The following CTSC variants were observed in gnomAD, a reference collection of about 807,000 sequenced individuals.
The protein encoded by CTSC is dipeptidyl peptidase 1.
Under a neutral mutation model 40.9 loss-of-function variants are expected in CTSC, and 37 were observed. That is an observed-to-expected ratio of 0.91 (90% CI 0.70 to 1.19). The LOEUF is 1.19. Among genes scored for constraint, CTSC ranks in the 50% most tolerant of loss-of-function variants. The probability of loss-of-function intolerance (pLI) is 0.00; values close to 1 mark genes in which losing one functional copy is unlikely to be tolerated. For missense variants in CTSC, 594 were observed against 567.3 expected (o/e 1.05, Z -0.48); for synonymous variants, 232 against 207.4 (o/e 1.12, Z -1.02).
intron 2 of CTSC, among the ~76,000 whole-genome samples, chr11:88,317,591 A>AC (rs1338129407): frequency 6.6e-6 from 1 of 152,060 alleles, no homozygotes; most frequent in Admixed American, 6.6e-5. Flanking sequence ...CATCCACTGT[A>AC]CCCCTGTGAT....
chr11:88,335,156 CAATTTT>C (rs1938460879), intron 1 of CTSC, 74 bp from the exon 2 acceptor site: 1 of 1,030,174 alleles, frequency 9.7e-7, no homozygotes, highest in Non-Finnish European at 1.5e-6. Flanking sequence ...CCCCCAATTT[CAATTTT>C]AATTGTGCTG....
Position 88,293,711 on chromosome 11 carries a change from T to C in CTSC, c.*295A>G, listed in dbSNP as rs1249366505. ...TTAAAAATAAGTCTATGTTTTCACATTGATTTTAAAAAATATAGCATGTTT... is the reference window on the plus strand; with the variant it reads ...TTAAAAATAAGTCTATGTTTTCACACTGATTTTAAAAAATATAGCATGTTT... On this transcript the variant is annotated 3_prime_UTR_variant, in exon 7 of 7. Transcript: ENST00000227266. The C allele has an allele frequency of 2.9e-5, 11 of 382,114 alleles. No homozygotes were observed. In the East Asian group the frequency reaches 5.7e-4, roughly 20 times the overall value. The allele number at this position is 382,114 out of a possible 1,614,324, so 23.7% of individuals were successfully genotyped here. A position where few individuals can be genotyped will look rare whatever the true frequency, so the allele number is the denominator to read the frequency against.
intron 4 of CTSC, among the ~76,000 whole-genome samples, chr11:88,303,826 G>A (rs1937606687): frequency 6.6e-6 from 1 of 152,116 alleles, no homozygotes; most frequent in South Asian, 2.1e-4. Flanking sequence ...GACATCTTTG[G>A]AAATGAAGGT....
In CTSC at chr11:88,334,960, A is replaced by G. The variant is rs997358516; in HGVS notation, c.295T>C (p.Tyr99His). The G allele has an allele frequency of 1.9e-6, 3 of 1,612,766 alleles. No homozygotes were observed. Among genetic ancestry groups the G allele is most frequent in the Non-Finnish European group, 2.5e-6 (3 of 1,178,956 alleles). The change falls in exon 2 of 7, where the codon TAC becomes CAC. Residue 99 changes from tyrosine (Y) to histidine (H), a missense_variant. By Grantham distance (83) the Tyr-to-His change is moderately conservative. Transcript: ENST00000227266. ...NQGFEIVLND[Y>H]KWFAFFKYKE... The stretch of plus-strand genomic sequence containing the variant: ...ACCTTAAAAAAGGCAAACCACTTGT[A>G]GTCATTCAACACAATCTCAAAGCCT...
At position 88,296,268 on chromosome 11, in the gene CTSC, G is replaced by T; in HGVS notation, c.758-4C>A. 1 of 1,613,498 alleles carries T rather than the reference G, an allele frequency of 6.2e-7. No individual in the cohort carries two copies. Among genetic ancestry groups the T allele is most frequent in the Non-Finnish European group, 8.5e-7 (1 of 1,179,706 alleles). ...GAGTAGCAGCTGCCACAGGATGCTG[G>T]CGATGAAAAAAAGACACATAATCCA... On this transcript the variant is annotated splice_region_variant and splice_polypyrimidine_tract_variant and intron_variant, in intron 5 of 6. Transcript: ENST00000227266.
At chr11:88,315,138 A>C (rs958743659) in intron 2 of CTSC, among the ~76,000 whole-genome samples, 2 of 152,142 alleles carry the variant, frequency 1.3e-5, no homozygotes, top group African/African-American at 4.8e-5. Flanking sequence ...TCTCTCTGGC[A>C]CTGGCTCTTG....
chr11:88,312,285 A>G (rs1937779420), intron 3 of CTSC, 103 bp downstream of exon 3: 1 of 1,136,916 alleles, frequency 8.8e-7, no homozygotes, highest in Non-Finnish European at 1.3e-6. Flanking sequence ...TTTCTAAGCC[A>G]AAGATATTTT....
At chr11:88,320,980 A>C (rs2134798518) in intron 2 of CTSC, 1 of 985,304 alleles carries the variant, frequency 1.0e-6, no homozygotes, top group Non-Finnish European at 1.2e-6. Flanking sequence ...GACACAGAAT[A>C]CTAAGCCTTA....
intron 2 of CTSC, chr11:88,327,892 G>C: frequency 3.6e-6 from 2 of 558,316 alleles, no homozygotes; most frequent in Non-Finnish European, 3.2e-6. Flanking sequence ...GATTTGACAT[G>C]TGAAAACAGA....
Position 88,329,343 on chromosome 11 carries a change from G to A in CTSC, c.318+5594C>T, listed in dbSNP as rs185232312. Among the ~76,000 whole-genome samples the A allele has an allele frequency of 6.8e-3, 1,031 of 151,402 alleles. 4 individuals are homozygous for A. Among genetic ancestry groups the A allele is most frequent in the Non-Finnish European group, 0.012 (789 of 67,844 alleles). On this transcript the variant is annotated intron_variant, in intron 2 of 6. Coordinates refer to ENST00000227266, the MANE Select transcript of CTSC (RefSeq NM_001814.6). Reference sequence around the variant, plus strand: ...CTAAAAATACAAAAATTAGCTGGGCGTGATGGCGGGCACCTGTAATCCAAT... The same window carrying A: ...CTAAAAATACAAAAATTAGCTGGGCATGATGGCGGGCACCTGTAATCCAAT...
intron 2 of CTSC, chr11:88,324,589 A>G: frequency 2.0e-6 from 2 of 984,680 alleles, no homozygotes; most frequent in Non-Finnish European, 2.4e-6. Context: ...GGTACCTACA[A>G]AGTTCTATGT....
intron 3 of CTSC, among the ~76,000 whole-genome samples, chr11:88,311,443 T>A (rs1346077957): frequency 6.6e-6 from 1 of 152,226 alleles, no homozygotes; most frequent in African/African-American, 2.4e-5. Context: ...TTTGTACATG[T>A]ACATTTTTAG....
chr11:88,335,704 T>C (rs1591247768), intron 1 of CTSC, among the ~76,000 whole-genome samples: 1 of 152,170 alleles, frequency 6.6e-6, no homozygotes, highest in East Asian at 1.9e-4. Flanking sequence ...TGGGGAATGT[T>C]GAAAATTACA....
At position 88,294,369 on chromosome 11, in the gene CTSC, A is replaced by AGAG; in HGVS notation, c.1026_1028dup (p.Ser343dup). The AGAG allele has an allele frequency of 6.2e-7, 1 of 1,614,156 alleles. No homozygotes were observed. Among genetic ancestry groups the AGAG allele is most frequent in the East Asian group, 2.2e-5 (1 of 44,878 alleles). Reference sequence around the variant, plus strand: ...AGAAACCTCCTACATAGTGGTACTCAGAGGAGTAATAACGAAAGCAGTCTT... The same window carrying AGAG: ...AGAAACCTCCTACATAGTGGTACTCAGAGGAGGAGTAATAACGAAAGCAGTCTT... On this transcript the variant is annotated inframe_insertion, in exon 7 of 7. Coordinates refer to ENST00000227266, the MANE Select transcript of CTSC (RefSeq NM_001814.6).
intron 4 of CTSC, among the ~76,000 whole-genome samples, chr11:88,303,909 A>C (rs900603247): frequency 1.3e-5 from 2 of 151,848 alleles, no homozygotes; most frequent in Admixed American, 6.6e-5. Context: ...AGGGCGGAAG[A>C]AGATCAGAGA....
intron 2 of CTSC, chr11:88,321,043 T>C: frequency 4.1e-6 from 4 of 985,204 alleles, no homozygotes; most frequent in Non-Finnish European, 4.8e-6. Flanking sequence ...ACTCACTGAA[T>C]CTTCTCTTCC....
chr11:88,329,252 C>A (rs751462509), intron 2 of CTSC, among the ~76,000 whole-genome samples: 1 of 151,676 alleles, frequency 6.6e-6, no homozygotes, highest in Non-Finnish European at 1.5e-5. Context: ...GAGGTCCAGG[C>A]GGGCGGATCA....
chr11:88,297,016 T>A (rs1048087758), intron 5 of CTSC: 3 of 153,036 alleles, frequency 2.0e-5, no homozygotes, highest in Non-Finnish European at 4.4e-5. Flanking sequence ...GTGTACAACC[T>A]GCTCACTTGA....
At position 88,335,074 on chromosome 11, in the gene CTSC, CT is replaced by C; in HGVS notation, c.180del (p.Glu61LysfsTer4). 6.4e-7 allele frequency: 1 copy of C among 1,555,046 alleles called. No individual in the cohort carries two copies. The highest frequency in any genetic ancestry group is 8.7e-7 in the Non-Finnish European group (1 of 1,142,978). On this transcript the variant is annotated frameshift_variant, in exon 2 of 7. Coordinates refer to ENST00000227266, the MANE Select transcript of CTSC (RefSeq NM_001814.6). LOFTEE classifies it high-confidence loss of function. ...RDVNCSVMGPQEKKVVVYLQK... is the reference protein window; with the variant it reads ...RDVNCSVMGPXEKKVVVYLQK... The stretch of plus-strand genomic sequence containing the variant: ...TGAAGGTACACCACTACTTTTTTTT[CT>C]TGTGGTCCTAAAGAAAAAAAAAAAA...
Sources: gnomAD v4.1 joint callset for allele counts (sites outside exome capture counted in the v4.1 genomes callset) on GRCh38, gnomAD v4.1.1 for gene constraint, MANE v1.5 for transcripts, NCBI Gene and HGNC (gene_info 2026-07-23, HGNC 2026-07-21) for gene names.